Variants in STEAP2 observed in about 807,000 individuals in gnomAD.
STEAP2 encodes the protein STEAP2 metalloreductase, also known as metalloreductase STEAP2.
Under a neutral mutation model 46.4 loss-of-function variants are expected in STEAP2, and 30 were observed. The ratio of observed to expected loss-of-function variants is 0.65; its 90% CI spans 0.48 to 0.88. STEAP2 has a LOEUF of 0.88. Among genes scored for constraint, STEAP2 ranks in the 40% least tolerant of loss-of-function variants. STEAP2 has a pLI of 0.00. For missense variants in STEAP2, 513 were observed against 579.3 expected (o/e 0.89, Z 1.18); for synonymous variants, 180 against 200.5 (o/e 0.90, Z 0.86).
downstream of STEAP2, among the ~76,000 whole-genome samples, chr7:90,240,080 T>C (rs55950581): frequency 0.2 from 30,116 of 151,994 alleles, 3,186 homozygotes; most frequent in African/African-American, 0.25. This position sits in a 1 kb window ranked among gnomAD's most constrained non-coding sequence, Gnocchi z 4.1. Context: ...AAGACCAACC[T>C]GGGCAATATG....
chr7:90,212,352 G>T, intron 1 of STEAP2: 1 of 153,010 alleles, frequency 6.5e-6, no homozygotes. Context: ...ATGTGTCCCA[G>T]CAGGAAAGGA....
Position 90,211,824 on chromosome 7 carries a change from C to T in STEAP2, c.-368C>T, listed in dbSNP as rs1302990786. 1 of 152,568 alleles carries T rather than the reference C, an allele frequency of 6.6e-6. No homozygotes were observed. Among genetic ancestry groups the T allele is most frequent in the African/African-American group, 2.4e-5 (1 of 41,472 alleles). 9.5% of individuals were successfully genotyped at this position (152,568 alleles called of 1,614,324 possible). ...CGCGTCGCTGCCAAGCCGGCCTCCGCGCGCCTCCCTCCTTCCTTCTCCCCT... is the reference window on the plus strand; with the variant it reads ...CGCGTCGCTGCCAAGCCGGCCTCCGTGCGCCTCCCTCCTTCCTTCTCCCCT... On this transcript the variant is annotated 5_prime_UTR_variant, in exon 1 of 6. Coordinates refer to ENST00000394621, the MANE Select transcript of STEAP2 (RefSeq NM_001244944.2).
chr7:90,218,450 G>A (rs906473324), intron 2 of STEAP2, among the ~76,000 whole-genome samples: 2 of 152,102 alleles, frequency 1.3e-5, no homozygotes, highest in Non-Finnish European at 2.9e-5. Context: ...TGTATATGGT[G>A]AGGGACAGGG....
intron 5 of STEAP2, among the ~76,000 whole-genome samples, chr7:90,231,965 A>G (rs1022481445): frequency 1.1e-4 from 16 of 152,194 alleles, no homozygotes; most frequent in South Asian, 2.1e-4. Flanking sequence ...TGAATTATCA[A>G]CAAAAAGGAA....
chr7:90,238,247 T>C, downstream of STEAP2: 7 of 637,592 alleles, frequency 1.1e-5, no homozygotes, highest in South Asian at 1.3e-4. Context: ...GATCTGTCTG[T>C]GGAGGTTCTG....
chr7:90,216,016 C>T (rs150264203), intron 1 of STEAP2: 2 of 152,306 alleles, frequency 1.3e-5, no homozygotes, highest in African/African-American at 4.8e-5. Flanking sequence ...CTCAAGTGAT[C>T]CACCTGCTTC....
chr7:90,234,066 T>TC lies in STEAP2; in HGVS notation c.*1442_*1443insC. 7 of 985,286 alleles carry TC rather than the reference T, an allele frequency of 7.1e-6. No individual in the cohort carries two copies. The highest frequency in any genetic ancestry group is 8.4e-6 in the Non-Finnish European group (7 of 829,898). The allele number at this position is 985,286 out of a possible 1,614,324, so 61.0% of individuals were successfully genotyped here. ...GAGTCTTTCAAAAATCTCTGTAGAG[T>TC]TAGTCTTCTCCTTTTCTCTTCCTGA... is the stretch of plus-strand genomic sequence containing the variant. On this transcript the variant is annotated 3_prime_UTR_variant, in exon 6 of 6. Transcript: ENST00000394621.
At position 90,225,281 on chromosome 7, in the gene STEAP2, T is replaced by G. The variant is rs1433464113; in HGVS notation, c.199T>G (p.Ser67Ala). 3.1e-6 allele frequency: 5 copies of G among 1,614,024 alleles called. No homozygotes were observed. The highest frequency in any genetic ancestry group is 3.4e-6 in the Non-Finnish European group (4 of 1,179,978). Residue 67 changes from serine (S) to alanine (A), a missense_variant, in exon 3 of 6, where the codon TCT becomes GCT. Coordinates refer to ENST00000394621, the MANE Select transcript of STEAP2 (RefSeq NM_001244944.2). ...AGGAAGTAGAAATCCTAAGTTTGCT[T>G]CTGAATTTTTTCCTCATGTGGTAGA... Reference protein sequence around the residue: ...VIGSRNPKFASEFFPHVVDVT... With the variant: ...VIGSRNPKFAAEFFPHVVDVT...
At position 90,233,085 on chromosome 7, in the gene STEAP2, G is replaced by A. The variant is rs984251424; in HGVS notation, c.*461G>A. On this transcript the variant is annotated 3_prime_UTR_variant, in exon 6 of 6. Transcript: ENST00000394621. The stretch of plus-strand genomic sequence containing the variant: ...TATACATTTTTTTAAGAAAGGACAC[G>A]TTATGTTAGCATCTAGGTAAGGCTG... 2.5e-5 allele frequency: 25 copies of A among 984,594 alleles called. No individual in the cohort carries two copies. Among genetic ancestry groups the A allele is most frequent in the South Asian group, 4.7e-5 (1 of 21,278 alleles). 61.0% of individuals were successfully genotyped at this position (984,594 alleles called of 1,614,324 possible). A position where few individuals can be genotyped will look rare whatever the true frequency, so the allele number is the denominator to read the frequency against.
the STEAP2 span, among the ~76,000 whole-genome samples, chr7:90,243,286 A>G: frequency 6.6e-6 from 1 of 152,224 alleles, no homozygotes; most frequent in Non-Finnish European, 1.5e-5. Context: ...ATTTTCATTG[A>G]ATTTATATGT....
At chr7:90,215,476 G>A (rs1047585795) in intron 1 of STEAP2, 1 of 152,184 alleles carries the variant, frequency 6.6e-6, no homozygotes, top group Non-Finnish European at 1.5e-5. Flanking sequence ...ACATTCTCAA[G>A]TATTAAATGT....
At position 90,235,055 on chromosome 7, in the gene STEAP2, T is replaced by C. The variant is rs1795915227; in HGVS notation, c.*2431T>C. 4.2e-6 allele frequency: 4 copies of C among 953,532 alleles called. No homozygotes were observed. Among genetic ancestry groups the C allele is most frequent in the South Asian group, 9.7e-5 (2 of 20,676 alleles). The allele number at this position is 953,532 out of a possible 1,614,324, so 59.1% of individuals were successfully genotyped here. On this transcript the variant is annotated 3_prime_UTR_variant, in exon 6 of 6. Transcript: ENST00000394621. ...TCTTATTCCTTAAATTCCACTCTTT[T>C]AACACTATGCTTAACCACTTAATGT...
Position 90,236,854 on chromosome 7 carries a change from A to G in STEAP2, c.*4230A>G, listed in dbSNP as rs1332916874. 10 of 1,611,484 alleles carry G rather than the reference A, an allele frequency of 6.2e-6. No individual in the cohort carries two copies. Among genetic ancestry groups the G allele is most frequent in the Non-Finnish European group, 8.5e-6 (10 of 1,178,870 alleles). ...CTTTTGTATGATCTCCAAATTGCCA[A>G]CTTTAAGGAAATATTCTCTTGAAAT... On this transcript the variant is annotated 3_prime_UTR_variant, in exon 6 of 6. Coordinates refer to ENST00000394621, the MANE Select transcript of STEAP2 (RefSeq NM_001244944.2).
At chr7:90,229,607 T>C (rs1795649553) in intron 4 of STEAP2, among the ~76,000 whole-genome samples, 1 of 152,188 alleles carries the variant, frequency 6.6e-6, no homozygotes, top group African/African-American at 2.4e-5. Context: ...CCTGTAATGA[T>C]GATGGCAAAG....
chr7:90,232,008 G>A (rs917971220), intron 5 of STEAP2, among the ~76,000 whole-genome samples: 10 of 151,922 alleles, frequency 6.6e-5, no homozygotes, highest in Non-Finnish European at 1.5e-4. Context: ...CCATTCAATA[G>A]AATATTATAC....
chr7:90,227,192 A>G lies in STEAP2; in HGVS notation c.714A>G (p.Pro238=). ...LYSFVRDVIH[P]YARNQQSDFY... is the part of the protein sequence containing the mutation. ...CCTTTGTCAGAGATGTGATTCATCC[A>G]TATGCTAGAAACCAACAGAGTGACT... Residue 238 remains proline (P), a synonymous_variant, in exon 4 of 6, where the codon CCA becomes CCG. Transcript: ENST00000394621. The G allele has an allele frequency of 6.2e-7, 1 of 1,613,778 alleles. No individual in the cohort carries two copies. The highest frequency in any genetic ancestry group is 8.5e-7 in the Non-Finnish European group (1 of 1,179,846).
chr7:90,211,952 T>G lies in STEAP2; in HGVS notation c.-240T>G, dbSNP rs1323571173. The G allele has an allele frequency of 6.6e-6, 1 of 152,284 alleles. No individual in the cohort carries two copies. The allele number at this position is 152,284 out of a possible 1,614,324, so 9.4% of individuals were successfully genotyped here. A position where few individuals can be genotyped will look rare whatever the true frequency, so the allele number is the denominator to read the frequency against. On this transcript the variant is annotated 5_prime_UTR_variant, in exon 1 of 6. Transcript: ENST00000394621. ...AGTCGGAGGTGCAGTCCGTAGGCCC[T>G]GGCCCCCGGGTGGGCCCTTGGGGAG...
chr7:90,233,703 G>A lies in STEAP2; in HGVS notation c.*1079G>A. 1.1e-6 allele frequency: 1 copy of A among 951,984 alleles called. No homozygotes were observed. Among genetic ancestry groups the A allele is most frequent in the Non-Finnish European group, 1.3e-6 (1 of 799,704 alleles). 59.0% of individuals were successfully genotyped at this position (951,984 alleles called of 1,614,324 possible). The stretch of plus-strand genomic sequence containing the variant: ...AAGGTCTTGCAGTTAATAAATGGCA[G>A]AGTGAGCATTCAAGTCCAGGTAGTC... On this transcript the variant is annotated 3_prime_UTR_variant, in exon 6 of 6. Coordinates refer to ENST00000394621, the MANE Select transcript of STEAP2 (RefSeq NM_001244944.2).
chr7:90,213,007 C>G (rs17874783), intron 1 of STEAP2, among the ~76,000 whole-genome samples: 23,330 of 151,892 alleles, frequency 0.15, 2,834 homozygotes, highest in East Asian at 0.65. Flanking sequence ...TACTCCGATT[C>G]TCTCTTGGTT....
Sources: gnomAD v4.1 joint callset for allele counts (sites outside exome capture counted in the v4.1 genomes callset) on GRCh38, gnomAD v4.1.1 for gene constraint, Gnocchi (gnomAD v3.1) non-coding constraint, MANE v1.5 for transcripts, NCBI Gene and HGNC (gene_info 2026-07-23, HGNC 2026-07-21) for gene names.